Variants in DYRK4 observed in about 807,000 individuals in gnomAD.
DYRK4 encodes the protein dual specificity tyrosine-phosphorylation-regulated kinase 4.
Under a neutral mutation model 68.3 loss-of-function variants are expected in DYRK4, and 64 were observed. The ratio of observed to expected loss-of-function variants is 0.94; its 90% CI spans 0.77 to 1.15. The LOEUF (loss-of-function observed/expected upper bound fraction) is 1.15, where lower values mean the gene tolerates loss of function less well. Ranked by LOEUF, DYRK4 falls within the 50% of genes most tolerant of loss-of-function variation. DYRK4 has a pLI of 0.00. For synonymous variants in DYRK4, 274 were observed against 289.9 expected (o/e 0.95, Z 0.56); for missense variants, 740 against 764.7 (o/e 0.97, Z 0.38).
chr12:4,586,705 TACACAC>T (rs527544594), intron 2 of DYRK4, among the ~76,000 whole-genome samples: 1 of 77,516 alleles, frequency 1.3e-5, no homozygotes, highest in Non-Finnish European at 2.9e-5. Flanking sequence ...CTGGGCTGCG[TACACAC>T]ACACACACAC....
In DYRK4 at chr12:4,613,442, C is replaced by T; in HGVS notation, c.1667-73C>T. On this transcript the variant is annotated intron_variant, in intron 14 of 14. Transcript: ENST00000543431. The surrounding 1 kb of genome is among the most constrained non-coding windows in gnomAD (Gnocchi z 4.0). ...GTCATCGTTTCCACTAAGTGATGTACAACCTAAAGGACAATTAACATATAA... is the reference window on the plus strand; with the variant it reads ...GTCATCGTTTCCACTAAGTGATGTATAACCTAAAGGACAATTAACATATAA... 1 of 1,520,826 alleles carries T rather than the reference C, an allele frequency of 6.6e-7. No homozygotes were observed. The allele number at this position is 1,520,826 out of a possible 1,614,324, so 94.2% of individuals were successfully genotyped here. A position where few individuals can be genotyped will look rare whatever the true frequency, so the allele number is the denominator to read the frequency against.
rs1166526742 is a variant in DYRK4, at chr12:4,590,451, A to G, written c.324+11A>G. ...TCCCTGCTGTATCAGGTGAGTGCAG[A>G]CGGACTGGACCCTGAGAAGGCAGGT... is the stretch of plus-strand genomic sequence containing the variant. On this transcript the variant is annotated intron_variant, in intron 4 of 14. Transcript: ENST00000543431. 2 of 1,534,804 alleles carry G rather than the reference A, an allele frequency of 1.3e-6. No individual in the cohort carries two copies. Among genetic ancestry groups the G allele is most frequent in the Non-Finnish European group, 1.7e-6 (2 of 1,146,508 alleles).
intron 2 of DYRK4, among the ~76,000 whole-genome samples, chr12:4,586,998 C>T (rs12580380): frequency 0.045 from 6,892 of 152,218 alleles, 388 homozygotes; most frequent in East Asian, 0.27. Context: ...GTAGTGGAAC[C>T]AGGAATCAAA....
At chr12:4,590,160 T>C in intron 3 of DYRK4, 170 bp from the exon 4 acceptor site, 2 of 1,374,590 alleles carry the variant, frequency 1.5e-6, no homozygotes, top group Non-Finnish European at 1.9e-6. Context: ...TTGACTCTGC[T>C]GCTCTGGAAT....
intron 10 of DYRK4, chr12:4,602,233 C>A: frequency 1.9e-6 from 2 of 1,039,962 alleles, no homozygotes; most frequent in South Asian, 1.3e-5. Flanking sequence ...TTGCTGAATT[C>A]TCCTCATTTC....
At chr12:4,573,026 A>C in intron 2 of DYRK4, 1 of 302,854 alleles carries the variant, frequency 3.3e-6, no homozygotes, top group East Asian at 9.8e-5. Flanking sequence ...AAATCAGTTC[A>C]AGCTGAAGAG....
intron 10 of DYRK4, chr12:4,602,691 A>G (rs1204140333): frequency 1.4e-6 from 2 of 1,452,808 alleles, no homozygotes; most frequent in Non-Finnish European, 1.9e-6. Flanking sequence ...TATTTGCATT[A>G]TTAATGGGAG....
At chr12:4,586,501 C>T (rs1023860970) in intron 2 of DYRK4, among the ~76,000 whole-genome samples, 3 of 152,152 alleles carry the variant, frequency 2.0e-5, no homozygotes, top group Non-Finnish European at 4.4e-5. Flanking sequence ...TGCCTCCCAG[C>T]GATCCCTTGG....
chr12:4,563,197 C>T (rs1944645858), intron 1 of DYRK4: 1 of 453,554 alleles, frequency 2.2e-6, no homozygotes, highest in South Asian at 1.6e-5. Flanking sequence ...CCTAGGAGTT[C>T]GAAGAAATTC....
intron 6 of DYRK4, among the ~76,000 whole-genome samples, chr12:4,595,892 A>G (rs545986518): frequency 2.0e-5 from 3 of 152,266 alleles, no homozygotes; most frequent in Admixed American, 6.5e-5. Flanking sequence ...AAACCATCCA[A>G]TGTCCTTTGT....
At position 4,591,647 on chromosome 12, in the gene DYRK4, C is replaced by T. The variant is rs1281999209; in HGVS notation, c.463+349C>T. 1 of 243,026 alleles carries T rather than the reference C, an allele frequency of 4.1e-6. No individual in the cohort carries two copies. Among genetic ancestry groups the T allele is most frequent in the Non-Finnish European group, 7.9e-6 (1 of 125,886 alleles). The allele number at this position is 243,026 out of a possible 1,614,324, so 15.1% of individuals were successfully genotyped here. The stretch of plus-strand genomic sequence containing the variant: ...GAAGGCACTGAGAGAGTGGAAGAGC[C>T]AGGAGTGGAAAGGTACTGAATACTG... On this transcript the variant is annotated intron_variant, in intron 5 of 14. Coordinates refer to ENST00000543431, the MANE Select transcript of DYRK4 (RefSeq NM_001394779.1). This position sits in a 1 kb window ranked among gnomAD's most constrained non-coding sequence, Gnocchi z 4.1.
chr12:4,569,994 G>A (rs1343025993), intron 2 of DYRK4, among the ~76,000 whole-genome samples: 1 of 151,168 alleles, frequency 6.6e-6, no homozygotes, highest in Admixed American at 6.6e-5. Flanking sequence ...CTTGAGCCTG[G>A]GAGTTTGAGA....
At chr12:4,562,953 G>A in intron 1 of DYRK4, 2 of 398,748 alleles carry the variant, frequency 5.0e-6, no homozygotes, top group East Asian at 7.3e-5. Context: ...TGCTGCATTT[G>A]AAATGTCCAG....
chr12:4,567,237 A>G (rs1479987931), intron 1 of DYRK4: 1 of 152,228 alleles, frequency 6.6e-6, no homozygotes, highest in East Asian at 1.9e-4. Flanking sequence ...AGAAGCTGTC[A>G]TAATATTTGC....
intron 12 of DYRK4, 151 bp from the exon 13 acceptor site, chr12:4,610,004 G>T (rs964833548): frequency 6.4e-6 from 2 of 311,796 alleles, no homozygotes; most frequent in African/African-American, 6.8e-5. Flanking sequence ...TTCAAACTGA[G>T]TGTGTGTGTG....
chr12:4,596,501 T>C, intron 7 of DYRK4, 88 bp from the exon 8 acceptor site: 1 of 1,538,766 alleles, frequency 6.5e-7, no homozygotes, highest in Non-Finnish European at 8.7e-7. Context: ...GTTGGGGTCA[T>C]GGGGAGGGGC....
At chr12:4,600,825 T>C (rs764909345) in intron 10 of DYRK4, among the ~76,000 whole-genome samples, 1 of 151,498 alleles carries the variant, frequency 6.6e-6, no homozygotes, top group South Asian at 2.1e-4. Flanking sequence ...CACATAGTCA[T>C]TGAAGTTATT....
intron 1 of DYRK4, among the ~76,000 whole-genome samples, chr12:4,566,110 A>G (rs145510183): frequency 2.9e-4 from 44 of 152,304 alleles, no homozygotes; most frequent in African/African-American, 9.9e-4. Flanking sequence ...TCCCAAGTTC[A>G]TACTTCTATC....
intron 10 of DYRK4, among the ~76,000 whole-genome samples, chr12:4,600,693 T>C (rs1329306318): frequency 6.6e-6 from 1 of 151,580 alleles, no homozygotes; most frequent in African/African-American, 2.4e-5. Context: ...AGGCAAAGTA[T>C]TGAGAAGGGG....
Sources: allele counts gnomAD v4.1 joint callset (sites outside exome capture counted in the v4.1 genomes callset), GRCh38; gene constraint gnomAD v4.1.1; non-coding constraint Gnocchi (gnomAD v3.1); transcripts MANE v1.5; gene names NCBI Gene and HGNC (gene_info 2026-07-23, HGNC 2026-07-21).